ROBO1: variants seen among roughly 807,000 people sequenced by gnomAD.
ROBO1 encodes roundabout homolog 1.
ROBO1 carries 149 observed loss-of-function variants against 195.9 expected under a neutral mutation model. That is an observed-to-expected ratio of 0.76 (90% CI 0.67 to 0.87). ROBO1 has a LOEUF of 0.87. Ranked by LOEUF, ROBO1 falls within the 40% of genes least tolerant of loss-of-function variation. ROBO1 has a pLI of 0.00. For missense variants in ROBO1, 1,933 were observed against 2,068.3 expected (o/e 0.93, Z 1.27); for synonymous variants, 816 against 733.2 (o/e 1.11, Z -1.82).
chr3:79,691,420 T>C (rs576919806), intron 1 of ROBO1, among the ~76,000 whole-genome samples: 4 of 151,638 alleles, frequency 2.6e-5, no homozygotes, highest in East Asian at 3.9e-4. Flanking sequence ...CATAATAGAG[T>C]ATATGCATTA....
intron 1 of ROBO1, among the ~76,000 whole-genome samples, chr3:79,699,552 A>C (rs1947552139): frequency 6.6e-6 from 1 of 151,654 alleles, no homozygotes. Flanking sequence ...TTCCAAAGGC[A>C]CACCTACCAG....
rs191263469 is a variant in ROBO1 at position 79,170,957 on chromosome 3, G to T, written c.89-45418C>A. 6.2e-3 allele frequency among the ~76,000 whole-genome samples: 935 copies of T among 151,896 alleles called. 5 individuals carry two copies. Among genetic ancestry groups the T allele is most frequent in the Non-Finnish European group, 0.011 (723 of 67,888 alleles). On this transcript the variant is annotated intron_variant, in intron 2 of 30. Coordinates refer to ENST00000464233, the MANE Select transcript of ROBO1 (RefSeq NM_002941.4). ...TCAGAAATGAAGAAAATATCACGTA[G>T]CCATGTGCTGGATTCAGATGTACTA... is the stretch of plus-strand genomic sequence containing the variant.
At chr3:79,262,410 A>G (rs1023555130) in intron 2 of ROBO1, among the ~76,000 whole-genome samples, 1 of 152,102 alleles carries the variant, frequency 6.6e-6, no homozygotes. Context: ...ATCAGCTTGA[A>G]TCATTTAGAG....
intron 2 of ROBO1, among the ~76,000 whole-genome samples, chr3:79,359,069 G>T (rs2035668673): frequency 6.6e-6 from 1 of 151,906 alleles, no homozygotes; most frequent in African/African-American, 2.4e-5. Context: ...GCTACTATAA[G>T]ATTACCTCTT....
intron 1 of ROBO1, among the ~76,000 whole-genome samples, chr3:79,628,756 A>G (rs925889815): frequency 2.0e-5 from 3 of 152,182 alleles, no homozygotes; most frequent in Non-Finnish European, 4.4e-5. Context: ...CAAGAAACCA[A>G]CCTAATCAGT....
chr3:79,230,564 A>G (rs1019208647), intron 2 of ROBO1, among the ~76,000 whole-genome samples: 1 of 152,158 alleles, frequency 6.6e-6, no homozygotes, highest in Non-Finnish European at 1.5e-5. Context: ...GGGAGGTGCA[A>G]GATCTCCATA....
chr3:79,530,689 C>G (rs1941613080), intron 2 of ROBO1, among the ~76,000 whole-genome samples: 1 of 151,708 alleles, frequency 6.6e-6, no homozygotes, highest in Non-Finnish European at 1.5e-5. Context: ...CTCTACTCTA[C>G]CCCACTAAGA....
chr3:78,768,717 T>C (rs1276155674), intron 4 of ROBO1, among the ~76,000 whole-genome samples: 9 of 151,952 alleles, frequency 5.9e-5, no homozygotes, highest in Non-Finnish European at 8.8e-5. Context: ...TAGTTACATA[T>C]GTATACATGT....
intron 2 of ROBO1, among the ~76,000 whole-genome samples, chr3:79,395,659 T>C (rs2037129680): frequency 6.6e-6 from 1 of 152,142 alleles, no homozygotes; most frequent in African/African-American, 2.4e-5. Context: ...GATACACATA[T>C]ATTTCTATCA....
At chr3:78,950,180 T>G (rs563042655) in intron 3 of ROBO1, among the ~76,000 whole-genome samples, 1 of 152,260 alleles carries the variant, frequency 6.6e-6, no homozygotes, top group African/African-American at 2.4e-5. Flanking sequence ...CAAAGGATTA[T>G]AAATCATGCT....
intron 3 of ROBO1, among the ~76,000 whole-genome samples, chr3:79,071,760 T>C (rs1052388172): frequency 3.3e-4 from 44 of 134,902 alleles, no homozygotes; most frequent in Non-Finnish European, 1.1e-4. Flanking sequence ...ACACACACAC[T>C]GTGACTGTTT....
chr3:79,232,361 A>G (rs2082335496), intron 2 of ROBO1, among the ~76,000 whole-genome samples: 1 of 151,228 alleles, frequency 6.6e-6, no homozygotes, highest in East Asian at 1.9e-4. Flanking sequence ...ATAAAGTGGA[A>G]ATATGAGAAA....
intron 2 of ROBO1, among the ~76,000 whole-genome samples, chr3:79,550,205 A>AG (rs1942451976): frequency 1.7e-5 from 2 of 120,234 alleles, no homozygotes; most frequent in East Asian, 2.2e-4. Context: ...GGAAAAGAAA[A>AG]GAAAAGAAAA....
At chr3:79,414,730 A>C (rs1029547187) in intron 2 of ROBO1, among the ~76,000 whole-genome samples, 7 of 150,498 alleles carry the variant, frequency 4.7e-5, no homozygotes, top group Non-Finnish European at 1.0e-4. Context: ...GATCATAAAG[A>C]GAGAGCCATT....
intron 2 of ROBO1, among the ~76,000 whole-genome samples, chr3:79,268,884 C>A (rs1576900297): frequency 6.6e-6 from 1 of 151,592 alleles, no homozygotes; most frequent in African/African-American, 2.4e-5. Context: ...ATGGTTTGGC[C>A]ACAAAATGTC....
chr3:78,677,592 G>A (rs1575910463), intron 10 of ROBO1, among the ~76,000 whole-genome samples: 3 of 151,470 alleles, frequency 2.0e-5, no homozygotes, highest in African/African-American at 7.3e-5. Flanking sequence ...ATTACATAAT[G>A]GTAAAGGGAT....
At chr3:79,312,842 C>T (rs1268461193) in intron 2 of ROBO1, among the ~76,000 whole-genome samples, 1 of 152,034 alleles carries the variant, frequency 6.6e-6, no homozygotes, top group African/African-American at 2.4e-5. Context: ...AAGTTTTACC[C>T]TTTTTGAGTC....
chr3:79,617,403 G>C (rs1400814080), intron 1 of ROBO1, among the ~76,000 whole-genome samples: 1 of 152,038 alleles, frequency 6.6e-6, no homozygotes, highest in Non-Finnish European at 1.5e-5. Context: ...TGGTTCATAT[G>C]CCCAATACAT....
chr3:79,666,482 C>T (rs867681702), intron 1 of ROBO1, among the ~76,000 whole-genome samples: 2 of 151,942 alleles, frequency 1.3e-5, no homozygotes, highest in South Asian at 2.1e-4. Flanking sequence ...ATTGTAGCTC[C>T]CATAATTCCC....
Sources: gnomAD v4.1 joint callset for allele counts (sites outside exome capture counted in the v4.1 genomes callset) on GRCh38, gnomAD v4.1.1 for gene constraint, MANE v1.5 for transcripts, NCBI Gene and HGNC (gene_info 2026-07-23, HGNC 2026-07-21) for gene names.